The following MTMR3 variants were observed in gnomAD, a reference collection of about 807,000 sequenced individuals.
MTMR3 encodes phosphatidylinositol-3,5-bisphosphate 3-phosphatase MTMR3.
In MTMR3, 32 loss-of-function variants were observed where a neutral mutation model predicts 132.4. That is an observed-to-expected ratio of 0.24 (90% confidence interval 0.18 to 0.32). The LOEUF is 0.32. Ranked by LOEUF, MTMR3 falls within the 10% of genes least tolerant of loss-of-function variation. The pLI, the probability that MTMR3 is intolerant of heterozygous loss-of-function variation, is 1.00. For synonymous variants in MTMR3, 556 were observed against 550.3 expected (o/e 1.01, Z -0.14); for missense variants, 1,216 against 1,489.6 (o/e 0.82, Z 3.02).
At position 30,020,033 on chromosome 22, in the gene MTMR3, C is replaced by T; in HGVS notation, c.2374C>T (p.Pro792Ser). The change falls in exon 17 of 20, where the codon CCT becomes TCT. Residue 792 changes from proline to serine, a missense_variant. By Grantham distance (74) the Pro-to-Ser change is moderately conservative. Coordinates refer to ENST00000401950, the MANE Select transcript of MTMR3 (RefSeq NM_021090.4). ...CAGGGGAGAGGATTCCCTGGAGGTC[C>T]CTGTGGAGCAGTTTCGAATAGAAGA... ...PPRGEDSLEVPVEQFRIEEIA... is the reference protein window; with the variant it reads ...PPRGEDSLEVSVEQFRIEEIA... 8 of 1,614,122 alleles carry T rather than the reference C, an allele frequency of 5.0e-6. No individual in the cohort carries two copies. Among genetic ancestry groups the T allele is most frequent in the Non-Finnish European group, 6.8e-6 (8 of 1,180,018 alleles).
intron 5 of MTMR3, chr22:29,983,024 A>G (rs1366412218): frequency 6.6e-6 from 1 of 151,524 alleles, no homozygotes; most frequent in Non-Finnish European, 1.5e-5. Flanking sequence ...TGCTTCTAAA[A>G]TCCCTGTAAG....
chr22:30,029,009 G>T lies in MTMR3; in HGVS notation c.*3208G>T, dbSNP rs1050527496. 1 of 152,420 alleles carries T rather than the reference G, an allele frequency of 6.6e-6. No individual in the cohort carries two copies. The highest frequency in any genetic ancestry group is 1.5e-5 in the Non-Finnish European group (1 of 68,094). 9.4% of individuals were successfully genotyped at this position (152,420 alleles called of 1,614,324 possible). A position where few individuals can be genotyped will look rare whatever the true frequency, so the allele number is the denominator to read the frequency against. On this transcript the variant is annotated 3_prime_UTR_variant, in exon 20 of 20. Coordinates refer to ENST00000401950, the MANE Select transcript of MTMR3 (RefSeq NM_021090.4). Reference sequence around the variant, plus strand: ...AAAACACTGGCATGGCCTAGGAAGGGCGTTGCGAGCTCCTAAATGGAAAGC... The same window carrying T: ...AAAACACTGGCATGGCCTAGGAAGGTCGTTGCGAGCTCCTAAATGGAAAGC...
intron 1 of MTMR3, among the ~76,000 whole-genome samples, chr22:29,918,956 G>A (rs2065358280): frequency 6.6e-6 from 1 of 152,152 alleles, no homozygotes. Context: ...TTGTTGCTCA[G>A]GGTGATTTTT....
chr22:29,932,917 C>T (rs1046491746), intron 1 of MTMR3, among the ~76,000 whole-genome samples: 28 of 152,238 alleles, frequency 1.8e-4, no homozygotes, highest in African/African-American at 6.3e-4. Context: ...GTTGGAAGCA[C>T]TGTGCCCCTT....
chr22:29,954,692 G>C (rs2066153920), intron 1 of MTMR3, among the ~76,000 whole-genome samples: 1 of 152,156 alleles, frequency 6.6e-6, no homozygotes, highest in African/African-American at 2.4e-5. Context: ...GAACATGTCA[G>C]ATAGCTTTTA....
chr22:29,991,877 C>T, intron 7 of MTMR3: 2 of 451,538 alleles, frequency 4.4e-6, no homozygotes, highest in Non-Finnish European at 7.6e-6. Context: ...GAAGGCATCA[C>T]AATCTATTGG....
intron 1 of MTMR3, among the ~76,000 whole-genome samples, chr22:29,894,390 G>GT (rs994941227): frequency 1.1e-4 from 17 of 151,986 alleles, no homozygotes; most frequent in Non-Finnish European, 1.8e-4. Context: ...GAGCCATCTA[G>GT]TTTTTTTCTT....
chr22:29,984,855 T>C (rs2066824725), intron 5 of MTMR3: 1 of 152,138 alleles, frequency 6.6e-6, no homozygotes, highest in Admixed American at 6.6e-5. Flanking sequence ...GTAGAGCTCA[T>C]ATGGAAGAGA....
intron 5 of MTMR3, chr22:29,984,597 A>G (rs2066820583): frequency 6.6e-6 from 1 of 152,234 alleles, no homozygotes; most frequent in Admixed American, 6.5e-5. Context: ...GGTGAAATTT[A>G]TATTAGGAAA....
Position 29,891,579 on chromosome 22 carries a change from G to A in MTMR3, c.-138+8220G>A, listed in dbSNP as rs1040235024. The stretch of plus-strand genomic sequence containing the variant: ...CTTGAGTAGTTGGGATTACAGGTGT[G>A]TGCCACCATGCCTGGCTAATTTTTG... On this transcript the variant is annotated intron_variant, in intron 1 of 19. Transcript: ENST00000401950. 1.7e-4 allele frequency among the ~76,000 whole-genome samples: 26 copies of A among 152,020 alleles called. No homozygotes were observed. In the East Asian group the frequency reaches 4.7e-3, roughly 27 times the overall value.
intron 2 of MTMR3, among the ~76,000 whole-genome samples, chr22:29,966,475 C>G (rs907987474): frequency 2.0e-5 from 3 of 152,046 alleles, no homozygotes; most frequent in South Asian, 2.1e-4. Flanking sequence ...GGGTTATTTT[C>G]CTGTAGTTTT....
intron 12 of MTMR3, chr22:30,009,389 C>T: frequency 2.5e-6 from 1 of 405,370 alleles, no homozygotes; most frequent in Non-Finnish European, 4.5e-6. Flanking sequence ...GAAGAAATCT[C>T]AGCATCAAAA....
chr22:29,889,690 T>G (rs1470849023), intron 1 of MTMR3, among the ~76,000 whole-genome samples: 3 of 152,144 alleles, frequency 2.0e-5, no homozygotes, highest in Non-Finnish European at 4.4e-5. Context: ...ACATATCTAT[T>G]GAAATAATTT....
rs1049053395 is a variant in MTMR3, at chr22:30,002,732, G to A, written c.558-148G>A. 20 of 589,868 alleles carry A rather than the reference G, an allele frequency of 3.4e-5. No homozygotes were observed. The Admixed American group carries it at 4.2e-4, about 12-fold the overall frequency. 36.5% of individuals were successfully genotyped at this position (589,868 alleles called of 1,614,324 possible). A position where few individuals can be genotyped will look rare whatever the true frequency, so the allele number is the denominator to read the frequency against. ...CATTCTGTTGAGGAGTCCAAAACTC[G>A]AATAAAGCGCCTCATTGCCTTTAAC... On this transcript the variant is annotated intron_variant, in intron 8 of 19. Transcript: ENST00000401950.
intron 1 of MTMR3, among the ~76,000 whole-genome samples, chr22:29,951,307 ATAT>A (rs2066075118): frequency 6.6e-6 from 1 of 152,190 alleles, no homozygotes; most frequent in South Asian, 2.1e-4. Flanking sequence ...GCTGCTAAAG[ATAT>A]TATATATGGC....
At chr22:29,970,508 T>C in intron 2 of MTMR3, among the ~76,000 whole-genome samples, 1 of 141,998 alleles carries the variant, frequency 7.0e-6, no homozygotes, top group African/African-American at 2.7e-5. Context: ...TTTTTTTTTT[T>C]TTTTTTTTTT....
chr22:29,949,498 G>GC (rs1431891517), intron 1 of MTMR3, among the ~76,000 whole-genome samples: 11 of 114,048 alleles, frequency 9.6e-5, no homozygotes, highest in African/African-American at 3.7e-4. Flanking sequence ...TCTGTCCCCC[G>GC]CGCCCCCCCC....
In MTMR3 at chr22:29,922,975, A is replaced by G. The variant is rs538598599; in HGVS notation, c.-137-34061A>G. Among the ~76,000 whole-genome samples the G allele has an allele frequency of 2.0e-3, 309 of 151,208 alleles. 3 individuals carry two copies. Among genetic ancestry groups the G allele is most frequent in the Middle Eastern group, 6.8e-3 (2 of 294 alleles). On this transcript the variant is annotated intron_variant, in intron 1 of 19. Coordinates refer to ENST00000401950, the MANE Select transcript of MTMR3 (RefSeq NM_021090.4). ...GTGATCAGGGCTCATTGCAGGCTCA[A>G]TCGGTTCTCCCACCTTAGCCTCCAG...
chr22:29,933,977 A>G (rs1356458595), intron 1 of MTMR3, among the ~76,000 whole-genome samples: 1 of 152,192 alleles, frequency 6.6e-6, no homozygotes, highest in Non-Finnish European at 1.5e-5. Context: ...ATGATAGTAC[A>G]TGTTTTTAGG....
Sources: allele counts gnomAD v4.1 joint callset (sites outside exome capture counted in the v4.1 genomes callset), GRCh38; gene constraint gnomAD v4.1.1; transcripts MANE v1.5; gene names NCBI Gene and HGNC (gene_info 2026-07-23, HGNC 2026-07-21).